OPRM1: variants seen among roughly 807,000 people sequenced by gnomAD.
The protein encoded by OPRM1 is opioid receptor mu 1.
A neutral mutation model predicts 31.8 loss-of-function variants in OPRM1; 27 were observed. The observed-to-expected ratio is 0.85, with a 90% CI of 0.63 to 1.17. The LOEUF is 1.17. Ranked by LOEUF, OPRM1 falls within the 50% of genes most tolerant of loss-of-function variation. The pLI, the probability that OPRM1 is intolerant of heterozygous loss-of-function variation, is 0.00. For synonymous variants in OPRM1, 196 were observed against 189.9 expected (o/e 1.03, Z -0.26); for missense variants, 536 against 511.1 (o/e 1.05, Z -0.47).
chr6:154,102,342 C>T (rs1000130935), intron 3 of OPRM1, among the ~76,000 whole-genome samples: 4 of 152,118 alleles, frequency 2.6e-5, no homozygotes, highest in African/African-American at 7.2e-5. Flanking sequence ...TAGTAACTAC[C>T]ACTTAGCTTT....
At chr6:154,023,643 C>A (rs757708383) in intron 1 of OPRM1, among the ~76,000 whole-genome samples, 2 of 152,088 alleles carry the variant, frequency 1.3e-5, no homozygotes, top group South Asian at 4.1e-4. Flanking sequence ...AGAGGAAAGG[C>A]TTTCAGTTTT....
At chr6:154,245,774 G>C (rs1049959090) in intron 3 of OPRM1, among the ~76,000 whole-genome samples, 3 of 152,106 alleles carry the variant, frequency 2.0e-5, no homozygotes, top group African/African-American at 7.2e-5. Context: ...AACCTCACTG[G>C]GTTTGTGGAG....
chr6:154,105,937 C>A (rs914117690), intron 3 of OPRM1, among the ~76,000 whole-genome samples: 2 of 152,098 alleles, frequency 1.3e-5, no homozygotes, highest in African/African-American at 2.4e-5. Context: ...TCTTATAAAC[C>A]TTTTATAACC....
At chr6:154,082,893 T>G (rs921598671) in intron 1 of OPRM1, among the ~76,000 whole-genome samples, 1 of 152,236 alleles carries the variant, frequency 6.6e-6, no homozygotes, top group Admixed American at 6.5e-5. Flanking sequence ...GAATATTTCA[T>G]CTAGTTATAA....
intron 3 of OPRM1, among the ~76,000 whole-genome samples, chr6:154,092,738 C>A (rs1043486849): frequency 6.6e-6 from 1 of 152,190 alleles, no homozygotes; most frequent in Non-Finnish European, 1.5e-5. Context: ...GGCCCAGATA[C>A]ATCCGTCATG....
chr6:154,090,895 C>T, intron 2 of OPRM1, 57 bp from the exon 3 acceptor site: 3 of 1,514,880 alleles, frequency 2.0e-6, no homozygotes, highest in Non-Finnish European at 2.7e-6. Flanking sequence ...AGTATTAACA[C>T]CTTATGACAT....
chr6:154,203,652 C>G (rs1355777041), intron 3 of OPRM1, among the ~76,000 whole-genome samples: 1 of 152,116 alleles, frequency 6.6e-6, no homozygotes, highest in Non-Finnish European at 1.5e-5. Context: ...TGGAACTAAA[C>G]CCCCACAGAT....
intron 3 of OPRM1, among the ~76,000 whole-genome samples, chr6:154,152,339 GAAAGAAAGGAAAGAAA>G (rs1263316945): frequency 2.8e-5 from 1 of 36,266 alleles, no homozygotes; most frequent in African/African-American, 9.1e-5. Context: ...AAGAAAGAAA[GAAAGAAAGGAAAGAAA>G]GAAAGAAAGA....
intron 1 of OPRM1, among the ~76,000 whole-genome samples, chr6:154,067,688 G>C (rs1238550320): frequency 3.3e-5 from 5 of 151,930 alleles, no homozygotes; most frequent in African/African-American, 9.7e-5. Flanking sequence ...GTTGTGTTTT[G>C]TAAGTCCTCT....
upstream of OPRM1, chr6:154,038,988 T>G: frequency 1.5e-6 from 1 of 676,688 alleles, no homozygotes; most frequent in Non-Finnish European, 2.4e-6. Flanking sequence ...GGAAGAGCAT[T>G]GGGGTTTTAG....
intron 3 of OPRM1, among the ~76,000 whole-genome samples, chr6:154,111,814 G>T (rs1796391656): frequency 6.6e-6 from 1 of 151,972 alleles, no homozygotes; most frequent in Non-Finnish European, 1.5e-5. Context: ...TCGCCCAGCT[G>T]GAGTGCAGTG....
chr6:154,220,866 T>C (rs1778810548), intron 3 of OPRM1, among the ~76,000 whole-genome samples: 1 of 152,240 alleles, frequency 6.6e-6, no homozygotes, highest in Non-Finnish European at 1.5e-5. Context: ...ACGTGAATCA[T>C]CACGATAATC....
chr6:154,187,624 T>C (rs2128576829), intron 3 of OPRM1, among the ~76,000 whole-genome samples: 1 of 152,306 alleles, frequency 6.6e-6, no homozygotes, highest in Non-Finnish European at 1.5e-5. Flanking sequence ...ATTATCTTAG[T>C]TATATATGGC....
chr6:154,032,004 A>G (rs986095695), intron 1 of OPRM1, among the ~76,000 whole-genome samples: 22 of 152,220 alleles, frequency 1.4e-4, no homozygotes, highest in African/African-American at 5.1e-4. Context: ...GCAAGGGCAC[A>G]GTCTGATTTC....
intron 3 of OPRM1, among the ~76,000 whole-genome samples, chr6:154,183,036 G>T (rs1310289665): frequency 1.3e-5 from 2 of 151,886 alleles, no homozygotes; most frequent in South Asian, 4.1e-4. Context: ...CTGGAGTGCA[G>T]TGGTGTGATC....
At chr6:154,142,195 A>C (rs375281715) in intron 3 of OPRM1, among the ~76,000 whole-genome samples, 1 of 53,060 alleles carries the variant, frequency 1.9e-5, no homozygotes, top group Admixed American at 2.2e-4. Flanking sequence ...TCCCCACCCC[A>C]CCCCTCCAGG....
intron 3 of OPRM1, among the ~76,000 whole-genome samples, chr6:154,191,537 G>A (rs1038768301): frequency 2.6e-5 from 4 of 152,046 alleles, no homozygotes; most frequent in African/African-American, 7.2e-5. Flanking sequence ...AGCTGGGCAT[G>A]GTGGCGAGCG....
chr6:154,246,113 G>A (rs73567197), intron 3 of OPRM1, among the ~76,000 whole-genome samples: 1,986 of 152,206 alleles, frequency 0.013, 51 homozygotes, highest in African/African-American at 0.046. Flanking sequence ...AAAGAAGGTC[G>A]GGGGAAAGAA....
rs13340447 is a variant in OPRM1, at chr6:154,143,380, A to G, written c.1164+51908A>G. On this transcript the variant is annotated intron_variant, in intron 3 of 3. Transcript: ENST00000337049. The stretch of plus-strand genomic sequence containing the variant: ...CCATGAAGCCCTCCTTGACCACTAC[A>G]GCACACAGTCCTCTCTTCTTCATCT... Among the ~76,000 whole-genome samples the G allele has an allele frequency of 4.2e-3, 637 of 152,318 alleles. 2 individuals are homozygous for G. Among genetic ancestry groups the G allele is most frequent in the African/African-American group, 0.014 (564 of 41,586 alleles).
Sources: allele counts gnomAD v4.1 joint callset (sites outside exome capture counted in the v4.1 genomes callset), GRCh38; gene constraint gnomAD v4.1.1; transcripts MANE v1.5; gene names NCBI Gene and HGNC (gene_info 2026-07-23, HGNC 2026-07-21).